Variants in APP observed in about 807,000 individuals in gnomAD.
APP encodes the protein amyloid beta precursor protein.
Under a neutral mutation model 101.4 loss-of-function variants are expected in APP, and 31 were observed. The ratio of observed to expected loss-of-function variants is 0.31; its 90% CI spans 0.23 to 0.41. The LOEUF is 0.41. Ranked by LOEUF, APP falls within the 10% of genes least tolerant of loss-of-function variation. APP has a pLI of 1.00. For missense variants in APP, 839 were observed against 1,003.7 expected, an observed-to-expected ratio of 0.84 and a Z score of 2.22; for synonymous variants, 366 against 364.4, an observed-to-expected ratio of 1.00 and a Z score of -0.05.
intron 11 of APP, among the ~76,000 whole-genome samples, chr21:25,960,724 T>A (rs1032938112): frequency 6.6e-6 from 1 of 152,132 alleles, no homozygotes; most frequent in Non-Finnish European, 1.5e-5. Flanking sequence ...GCATTTTGTG[T>A]GCATCTACAT....
rs2062367044 is a variant in APP, at chr21:26,113,245, C to T, written c.58-1099G>A. Among the ~76,000 whole-genome samples the T allele has an allele frequency of 2.0e-5, 3 of 152,180 alleles. No homozygotes were observed. The South Asian group carries it at 6.2e-4, about 32-fold the overall frequency. On this transcript the variant is annotated intron_variant, in intron 1 of 17. Coordinates refer to ENST00000346798, the MANE Select transcript of APP (RefSeq NM_000484.4). ...CCAGCAGAAGCCATTCGTTCACACA[C>T]TCAAGAACTGGGTGATTCCACGATA...
At chr21:25,975,304 G>C (rs886260353) in intron 10 of APP, 76 bp from the exon 11 acceptor site, 9 of 1,583,798 alleles carry the variant, frequency 5.7e-6, no homozygotes, top group Non-Finnish European at 7.8e-6. Context: ...TTCTAAAAAA[G>C]ACATCCTATT....
At chr21:25,998,951 TC>T (rs2146673519) in intron 7 of APP, among the ~76,000 whole-genome samples, 1 of 152,282 alleles carries the variant, frequency 6.6e-6, no homozygotes, top group Non-Finnish European at 1.5e-5. Flanking sequence ...CATATTTTTA[TC>T]CCCCGGAATT....
chr21:26,105,087 AAAG>A (rs1472121482), intron 2 of APP, among the ~76,000 whole-genome samples: 17 of 132,106 alleles, frequency 1.3e-4, no homozygotes, highest in Non-Finnish European at 2.3e-4. Flanking sequence ...AAAAAAAAAA[AAAG>A]AAGAAGAATT....
intron 3 of APP, among the ~76,000 whole-genome samples, chr21:26,062,235 AC>A (rs2046297850): frequency 2.3e-4 from 17 of 73,430 alleles, no homozygotes; most frequent in African/African-American, 1.1e-3. Context: ...AAACAAACAC[AC>A]ACACACACAC....
intron 6 of APP, among the ~76,000 whole-genome samples, chr21:26,001,265 T>G (rs1015256850): frequency 6.6e-6 from 1 of 152,156 alleles, no homozygotes. Context: ...CAGTGACCCA[T>G]CCAATTGCAT....
At chr21:26,167,419 C>A (rs570420965) in intron 1 of APP, among the ~76,000 whole-genome samples, 243 of 152,310 alleles carry the variant, frequency 1.6e-3, no homozygotes, top group Non-Finnish European at 2.7e-3. Flanking sequence ...TTGTAAGATT[C>A]TCAAGGTAAT....
intron 5 of APP, among the ~76,000 whole-genome samples, chr21:26,050,225 A>C (rs2045781985): frequency 6.6e-6 from 1 of 152,226 alleles, no homozygotes; most frequent in African/African-American, 2.4e-5. Context: ...GGAAATCTGT[A>C]GCTCTAGGGA....
intron 1 of APP, among the ~76,000 whole-genome samples, chr21:26,151,513 G>C (rs1385551605): frequency 2.6e-5 from 4 of 151,762 alleles, no homozygotes; most frequent in Admixed American, 2.6e-4. Flanking sequence ...ACCACCATGC[G>C]TAACACTACT....
intron 16 of APP, among the ~76,000 whole-genome samples, chr21:25,896,781 C>G (rs114383147): frequency 6.6e-6 from 1 of 152,112 alleles, no homozygotes; most frequent in African/African-American, 2.4e-5. Context: ...ATAACACTAT[C>G]GGGAACATCA....
In APP at chr21:26,059,890, C is replaced by CA. The variant is rs57594630; in HGVS notation, c.356-6543dup. 4.8e-3 allele frequency among the ~76,000 whole-genome samples: 342 copies of CA among 70,636 alleles called. 6 individuals carry two copies. Among genetic ancestry groups the CA allele is most frequent in the Non-Finnish European group, 6.0e-3 (234 of 39,154 alleles). The allele number at this position is 70,636 out of a possible 152,430, so 46.3% of individuals were successfully genotyped here. ...TGAGCGAAAGAGCGAGACTCCGTCT[C>CA]AAAAAAAAAAAAAAAAAAAAAAAAA... On this transcript the variant is annotated intron_variant, in intron 3 of 17. Coordinates refer to ENST00000346798, the MANE Select transcript of APP (RefSeq NM_000484.4).
At chr21:25,882,027 C>T (rs773348409) in intron 17 of APP, among the ~76,000 whole-genome samples, 6 of 152,054 alleles carry the variant, frequency 3.9e-5, no homozygotes, top group Non-Finnish European at 8.8e-5. Context: ...GTGGTTGTTT[C>T]TGGTTCCCCA....
At chr21:25,893,223 C>A (rs992832116) in intron 16 of APP, among the ~76,000 whole-genome samples, 3 of 152,128 alleles carry the variant, frequency 2.0e-5, no homozygotes, top group Admixed American at 6.6e-5. Context: ...GTCTGCCCCC[C>A]AAACTGGCCA....
chr21:25,896,758 A>C (rs1366791484), intron 16 of APP, among the ~76,000 whole-genome samples: 1 of 152,174 alleles, frequency 6.6e-6, no homozygotes, highest in Non-Finnish European at 1.5e-5. Flanking sequence ...TCTTTGCACA[A>C]ACCTTTTGAT....
At chr21:25,942,667 G>C (rs1461344628) in intron 13 of APP, 1 of 152,154 alleles carries the variant, frequency 6.6e-6, no homozygotes, top group Non-Finnish European at 1.5e-5. Flanking sequence ...AACATGGGAA[G>C]CATTTAATAC....
At chr21:26,044,996 T>G (rs1019952263) in intron 5 of APP, among the ~76,000 whole-genome samples, 14 of 152,230 alleles carry the variant, frequency 9.2e-5, no homozygotes, top group African/African-American at 3.4e-4. Flanking sequence ...ATGATGCTTA[T>G]GCAACACATT....
At chr21:26,151,379 C>T (rs2063265800) in intron 1 of APP, among the ~76,000 whole-genome samples, 2 of 152,204 alleles carry the variant, frequency 1.3e-5, no homozygotes, top group African/African-American at 4.8e-5. Flanking sequence ...AAGCTTCTGC[C>T]TACACGAGCA....
chr21:25,959,252 G>C lies in APP; in HGVS notation c.1459-3497C>G, dbSNP rs543779605. 2.0e-5 allele frequency among the ~76,000 whole-genome samples: 3 copies of C among 152,296 alleles called. No homozygotes were observed. In the East Asian group the frequency reaches 5.8e-4, roughly 29 times the overall value. ...GTTCCAGACCAGCCTGGCCAACATG[G>C]TGAAACCCCATCTCTACTAAAAATA... is the stretch of plus-strand genomic sequence containing the variant. On this transcript the variant is annotated intron_variant, in intron 11 of 17. Coordinates refer to ENST00000346798, the MANE Select transcript of APP (RefSeq NM_000484.4).
intron 6 of APP, among the ~76,000 whole-genome samples, chr21:26,002,169 C>T (rs556862039): frequency 4.9e-4 from 75 of 152,298 alleles, no homozygotes; most frequent in Non-Finnish European, 6.5e-4. Flanking sequence ...CTGAAAACCA[C>T]GTGAAGAGTG....
Sources: allele counts gnomAD v4.1 joint callset (sites outside exome capture counted in the v4.1 genomes callset), GRCh38; gene constraint gnomAD v4.1.1; transcripts MANE v1.5; gene names NCBI Gene and HGNC (gene_info 2026-07-23, HGNC 2026-07-21).